Variants in SLCO1B3 observed in about 807,000 individuals in gnomAD.
SLCO1B3 encodes the protein solute carrier organic anion transporter family member 1B3.
Under a neutral mutation model 71.8 loss-of-function variants are expected in SLCO1B3, and 72 were observed. The ratio of observed to expected loss-of-function variants is 1.00; its 90% CI spans 0.83 to 1.22. The LOEUF (loss-of-function observed/expected upper bound fraction) is 1.22, where lower values mean the gene tolerates loss of function less well. Ranked by LOEUF, SLCO1B3 falls within the 50% of genes most tolerant of loss-of-function variation. SLCO1B3 has a pLI of 0.00. For missense variants in SLCO1B3, 911 were observed against 819.7 expected (o/e 1.11, Z -1.36); for synonymous variants, 298 against 278.4 (o/e 1.07, Z -0.70).
At chr12:20,851,136 TGTGAAAATCTCTTCAAGATCCCA>T (rs1865019930) in intron 3 of SLCO1B3, among the ~76,000 whole-genome samples, 2 of 152,192 alleles carry the variant, frequency 1.3e-5, no homozygotes, top group Admixed American at 6.5e-5. Flanking sequence ...AACGTGGGTG[TGTGAAAATCTCTTCAAGATCCCA>T]GTTTGAATTT....
intron 8 of SLCO1B3, among the ~76,000 whole-genome samples, chr12:20,873,226 C>T (rs146235325): frequency 2.6e-5 from 4 of 152,260 alleles, no homozygotes; most frequent in African/African-American, 4.8e-5. Flanking sequence ...AAGTGTATGC[C>T]TAACCTAAAG....
intron 1 of SLCO1B3, among the ~76,000 whole-genome samples, chr12:20,812,015 C>A (rs1311500942): frequency 1.4e-5 from 2 of 148,050 alleles, no homozygotes; most frequent in East Asian, 4.1e-4. Flanking sequence ...TCAAGTGATT[C>A]TCCTGCCTGA....
At chr12:20,859,921 C>T (rs1865220366) in intron 5 of SLCO1B3, among the ~76,000 whole-genome samples, 1 of 148,956 alleles carries the variant, frequency 6.7e-6, no homozygotes, top group South Asian at 2.2e-4. Context: ...TTTCTTTGAT[C>T]TACCCTCACC....
At chr12:20,903,033 C>T (rs76652486) in intron 15 of SLCO1B3, among the ~76,000 whole-genome samples, 7,173 of 149,216 alleles carry the variant, frequency 0.048, 276 homozygotes, top group East Asian at 0.15. Context: ...AGATCACCAA[C>T]TGCACACTCC....
intron 10 of SLCO1B3, 25 bp downstream of exon 10, chr12:20,877,961 G>T (rs1422418583): frequency 1.3e-6 from 2 of 1,524,146 alleles, no homozygotes; most frequent in Non-Finnish European, 8.9e-7. Context: ...TTACCTGTTT[G>T]CTTGATAAAT....
intron 8 of SLCO1B3, among the ~76,000 whole-genome samples, chr12:20,864,139 T>G (rs1214491654): frequency 6.6e-6 from 1 of 152,156 alleles, no homozygotes; most frequent in Non-Finnish European, 1.5e-5. Flanking sequence ...TTTTCTCTCT[T>G]TTTTATTTTT....
intron 14 of SLCO1B3, among the ~76,000 whole-genome samples, chr12:20,900,780 G>A (rs971042363): frequency 2.0e-5 from 3 of 152,154 alleles, no homozygotes; most frequent in Non-Finnish European, 4.4e-5. Flanking sequence ...GAGCCTAGAA[G>A]GAAGTAAAAC....
intron 3 of SLCO1B3, chr12:20,845,034 A>G (rs1201125528): frequency 1.8e-5 from 5 of 273,712 alleles, no homozygotes; most frequent in Non-Finnish European, 3.6e-5. Flanking sequence ...TCTCAAAAAA[A>G]AAAAAAAAAA....
chr12:20,827,399 T>A (rs957130442), intron 3 of SLCO1B3, among the ~76,000 whole-genome samples: 2 of 152,224 alleles, frequency 1.3e-5, no homozygotes, highest in Non-Finnish European at 2.9e-5. Context: ...AGTATTTGAT[T>A]TAAATGCTTT....
rs369584908 is a variant in SLCO1B3, at chr12:20,898,495, C to A, written c.1742C>A (p.Thr581Lys). 1.3e-6 allele frequency: 2 copies of A among 1,534,562 alleles called. No homozygotes were observed. The change falls in exon 14 of 16, where the codon ACA becomes AAA. Residue 581 changes from threonine (T) to lysine (K), a missense_variant. Thr to Lys is a moderately conservative substitution (Grantham distance 78). Transcript: ENST00000381545. ...GGTTTCCAGTCAATGGTTATAAGAA[C>A]ACTAGGTATGACAAATATATAGATT... is the stretch of plus-strand genomic sequence containing the variant. ...AMGFQSMVIR[T>K]LGGILAPIYF...
intron 8 of SLCO1B3, among the ~76,000 whole-genome samples, chr12:20,869,440 A>G (rs1354381419): frequency 6.6e-6 from 1 of 152,186 alleles, no homozygotes; most frequent in Admixed American, 6.5e-5. Flanking sequence ...ATTGCTACAA[A>G]CTAATGATTA....
At chr12:20,847,687 G>A (rs1209855414) in intron 3 of SLCO1B3, among the ~76,000 whole-genome samples, 1 of 150,436 alleles carries the variant, frequency 6.6e-6, no homozygotes, top group Admixed American at 6.7e-5. Context: ...ATTTCAGTCT[G>A]AGAAGCAGAA....
At chr12:20,904,247 A>AT (rs1008520595) in intron 15 of SLCO1B3, among the ~76,000 whole-genome samples, 17 of 151,320 alleles carry the variant, frequency 1.1e-4, no homozygotes, top group Admixed American at 7.9e-4. Flanking sequence ...CTAAAAAAAA[A>AT]AAAAATTAGT....
At chr12:20,849,357 T>A (rs1361931515) in intron 3 of SLCO1B3, among the ~76,000 whole-genome samples, 1 of 151,886 alleles carries the variant, frequency 6.6e-6, no homozygotes. Context: ...CAACACCCTT[T>A]CTCAACACAA....
At chr12:20,860,314 T>C (rs1179076389) in intron 5 of SLCO1B3, among the ~76,000 whole-genome samples, 5 of 152,198 alleles carry the variant, frequency 3.3e-5, no homozygotes, top group Non-Finnish European at 1.5e-5. Flanking sequence ...TTAAATTTAC[T>C]ATATCTTCGA....
At chr12:20,810,904 A>G (rs1175207335) in intron 1 of SLCO1B3, 140 bp downstream of exon 1, 1 of 152,158 alleles carries the variant, frequency 6.6e-6, no homozygotes, top group Non-Finnish European at 1.5e-5. Context: ...TTTTGTTCTG[A>G]GCCCTTAAAG....
chr12:20,869,337 CTG>C (rs1865435315), intron 8 of SLCO1B3, among the ~76,000 whole-genome samples: 1 of 152,196 alleles, frequency 6.6e-6, no homozygotes, highest in Non-Finnish European at 1.5e-5. Flanking sequence ...TCACTTCTCA[CTG>C]TGTCCCCTCA....
chr12:20,911,570 G>C (rs571695228), intron 15 of SLCO1B3, among the ~76,000 whole-genome samples: 148 of 152,154 alleles, frequency 9.7e-4, no homozygotes, highest in Non-Finnish European at 1.9e-3. Flanking sequence ...ATCTTGGTTT[G>C]GTGTTTTCTG....
intron 14 of SLCO1B3, among the ~76,000 whole-genome samples, chr12:20,900,807 G>A (rs959428464): frequency 6.6e-6 from 1 of 152,232 alleles, no homozygotes; most frequent in Non-Finnish European, 1.5e-5. Context: ...ATAGCTCGGA[G>A]CACCCCGTGA....
Sources: allele counts gnomAD v4.1 joint callset (sites outside exome capture counted in the v4.1 genomes callset), GRCh38; gene constraint gnomAD v4.1.1; transcripts MANE v1.5; gene names NCBI Gene and HGNC (gene_info 2026-07-23, HGNC 2026-07-21).